PLXNA2: variants seen among roughly 807,000 people sequenced by gnomAD.
PLXNA2 encodes the protein plexin-A2.
PLXNA2 carries 91 observed loss-of-function variants against 193.5 expected under a neutral mutation model. That is an observed-to-expected ratio of 0.47 (90% CI 0.40 to 0.56). The LOEUF (loss-of-function observed/expected upper bound fraction) is 0.56, where lower values mean the gene tolerates loss of function less well. PLXNA2 is among the 20% of genes least tolerant of loss of function. The probability of loss-of-function intolerance (pLI) is 0.00; values close to 1 mark genes in which losing one functional copy is unlikely to be tolerated. For synonymous variants in PLXNA2, 997 were observed against 1,027.3 expected (o/e 0.97, Z 0.56); for missense variants, 1,995 against 2,503.2 (o/e 0.80, Z 4.33).
rs1055585478 is a variant in PLXNA2 at position 208,038,243 on chromosome 1, A to G, written c.4764+128T>C. 5.7e-6 allele frequency: 4 copies of G among 701,026 alleles called. No homozygotes were observed. The highest frequency in any genetic ancestry group is 5.2e-5 in the African/African-American group (3 of 57,168). The allele number at this position is 701,026 out of a possible 1,614,324, so 43.4% of individuals were successfully genotyped here. The stretch of plus-strand genomic sequence containing the variant: ...AGCCATGGCTAAGAATCCCTGTTCT[A>G]TGCTCCAGCAGGAGGAGGAAAGCAG... On this transcript the variant is annotated intron_variant, in intron 26 of 31. Coordinates refer to ENST00000367033, the MANE Select transcript of PLXNA2 (RefSeq NM_025179.4). The surrounding 1 kb of genome is among the most constrained non-coding windows in gnomAD (Gnocchi z 4.1).
At chr1:208,113,094 T>C (rs1187620294) in intron 4 of PLXNA2, among the ~76,000 whole-genome samples, 1 of 150,120 alleles carries the variant, frequency 6.7e-6, no homozygotes, top group Non-Finnish European at 1.5e-5. Flanking sequence ...GCAGCTGGGA[T>C]AGGAAATGGG....
At chr1:208,193,722 C>A (rs1293964306) in intron 3 of PLXNA2, among the ~76,000 whole-genome samples, 2 of 151,972 alleles carry the variant, frequency 1.3e-5, no homozygotes, top group Admixed American at 1.3e-4. Flanking sequence ...CAAATTCATG[C>A]CCAAAATATA....
chr1:208,141,619 C>CT lies in PLXNA2; in HGVS notation c.1506+709dup, dbSNP rs556435568. On this transcript the variant is annotated intron_variant, in intron 4 of 31. Transcript: ENST00000367033. ...GGAATGTGTCCGGCTTGGCTAAGGT[C>CT]TTTGCCTAGCTTTCTGGGTCTCTGT... 5.3e-3 allele frequency among the ~76,000 whole-genome samples: 813 copies of CT among 152,330 alleles called. 4 individuals are homozygous for CT. The highest frequency in any genetic ancestry group is 7.4e-3 in the Non-Finnish European group (503 of 68,042).
rs1671189336 is a variant in PLXNA2, at chr1:208,217,798, T to A, written c.125A>T (p.His42Leu). Residue 42 changes from histidine to leucine, a missense_variant, in exon 2 of 32, where the codon CAC (histidine) becomes CTC (leucine). His to Leu is a moderately conservative substitution (Grantham distance 99). Transcript: ENST00000367033. This position sits in a 1 kb window ranked among gnomAD's most constrained non-coding sequence, Gnocchi z 4.7. ...AAGMPQFSTF[H>L]SENRDWTFNH... ...GAAGGTCCAGTCACGATTCTCAGAG[T>A]GGAAGGTGCTGAACTGAGGCATGCC... The A allele has an allele frequency of 6.2e-7, 1 of 1,613,310 alleles. No individual in the cohort carries two copies. The highest frequency in any genetic ancestry group is 1.1e-5 in the South Asian group (1 of 90,996).
chr1:208,232,195 A>C (rs1671712989), intron 1 of PLXNA2, among the ~76,000 whole-genome samples: 1 of 152,144 alleles, frequency 6.6e-6, no homozygotes, highest in South Asian at 2.1e-4. Context: ...GATGGAAAGG[A>C]TCCAAAAGCA....
At chr1:208,225,109 A>T (rs1361387567) in intron 1 of PLXNA2, among the ~76,000 whole-genome samples, 1 of 152,158 alleles carries the variant, frequency 6.6e-6, no homozygotes, top group African/African-American at 2.4e-5. Flanking sequence ...CGTGACAGTG[A>T]GGGACCCTCC....
rs988104111 is a variant in PLXNA2, at chr1:208,140,230, T to C, written c.1506+2099A>G. Among the ~76,000 whole-genome samples the C allele has an allele frequency of 3.3e-5, 5 of 152,272 alleles. No individual in the cohort carries two copies. The East Asian group carries it at 9.6e-4, about 29-fold the overall frequency. On this transcript the variant is annotated intron_variant, in intron 4 of 31. Transcript: ENST00000367033. ...TCTCAGAGATGGCATCAGATATGGA[T>C]CTAGGAGGTGATTATATTCTCTGAA...
At chr1:208,092,704 G>T in intron 9 of PLXNA2, 82 bp downstream of exon 9, 1 of 897,508 alleles carries the variant, frequency 1.1e-6, no homozygotes, top group Non-Finnish European at 1.7e-6. Flanking sequence ...AAATGGCCAA[G>T]CCATTGGACT....
chr1:208,147,550 T>C (rs1388149409), intron 3 of PLXNA2, among the ~76,000 whole-genome samples: 1 of 152,236 alleles, frequency 6.6e-6, no homozygotes, highest in Non-Finnish European at 1.5e-5. Flanking sequence ...ACCACAGTGC[T>C]ACGTGCTGTC....
intron 13 of PLXNA2, among the ~76,000 whole-genome samples, chr1:208,055,525 G>A (rs1665402758): frequency 6.6e-6 from 1 of 152,118 alleles, no homozygotes; most frequent in Non-Finnish European, 1.5e-5. Context: ...TGGGAATGGA[G>A]GGAAGGATTT....
intron 1 of PLXNA2, among the ~76,000 whole-genome samples, chr1:208,218,399 G>A (rs190018921): frequency 5.1e-4 from 78 of 152,198 alleles, no homozygotes; most frequent in African/African-American, 1.9e-3. Context: ...AGTGGAAGTC[G>A]CTCCTGTTTT....
At chr1:208,104,459 A>G (rs1463552051) in intron 4 of PLXNA2, among the ~76,000 whole-genome samples, 1 of 152,158 alleles carries the variant, frequency 6.6e-6, no homozygotes, top group African/African-American at 2.4e-5. Flanking sequence ...CTTGCTCTAC[A>G]TTGTGCTGAG....
Position 208,058,084 on chromosome 1 carries a change from C to T in PLXNA2, c.2738+2602G>A, listed in dbSNP as rs147882849. ...CCCACACTACACCACCTCCCATAGA[C>T]TTGCATAGATGGTGCCTCGCTCCCT... On this transcript the variant is annotated intron_variant, in intron 13 of 31. Coordinates refer to ENST00000367033, the MANE Select transcript of PLXNA2 (RefSeq NM_025179.4). 4.2e-4 allele frequency among the ~76,000 whole-genome samples: 64 copies of T among 152,314 alleles called. 1 individual carries two copies. Among genetic ancestry groups the T allele is most frequent in the Non-Finnish European group, 8.1e-4 (55 of 68,036 alleles).
At chr1:208,160,961 C>T (rs1296565450) in intron 3 of PLXNA2, among the ~76,000 whole-genome samples, 1 of 152,208 alleles carries the variant, frequency 6.6e-6, no homozygotes, top group Non-Finnish European at 1.5e-5. Flanking sequence ...GGATTTCCTG[C>T]CTCAGTTTCC....
At chr1:208,103,303 G>T (rs186666547) in intron 4 of PLXNA2, 56 bp from the exon 5 acceptor site, 4 of 1,353,348 alleles carry the variant, frequency 3.0e-6, no homozygotes, top group Non-Finnish European at 4.2e-6. Context: ...ACTAGCAGGT[G>T]TGTGTCACAC....
At chr1:208,027,823 CAATG>C (rs1342886181) in intron 31 of PLXNA2, among the ~76,000 whole-genome samples, 182 bp downstream of exon 31, 15 of 152,316 alleles carry the variant, frequency 9.8e-5, no homozygotes, top group Admixed American at 5.9e-4. Flanking sequence ...GAGTGAAAGA[CAATG>C]AAGTGTATAA....
intron 5 of PLXNA2, among the ~76,000 whole-genome samples, chr1:208,101,982 C>A (rs952897775): frequency 6.6e-6 from 1 of 152,228 alleles, no homozygotes; most frequent in South Asian, 2.1e-4. Flanking sequence ...AGATTTACCC[C>A]CTTTTGCCAT....
chr1:208,166,015 C>G (rs1251305603), intron 3 of PLXNA2, among the ~76,000 whole-genome samples: 1 of 152,170 alleles, frequency 6.6e-6, no homozygotes, highest in Non-Finnish European at 1.5e-5. Context: ...CATGCGTAGG[C>G]CTCATCTCTA....
intron 3 of PLXNA2, among the ~76,000 whole-genome samples, chr1:208,168,716 T>C (rs1420784346): frequency 7.5e-6 from 1 of 132,764 alleles, no homozygotes; most frequent in African/African-American, 2.8e-5. Flanking sequence ...AGACAAAGAG[T>C]ATGCGGGGTT....
Sources: allele counts gnomAD v4.1 joint callset (sites outside exome capture counted in the v4.1 genomes callset), GRCh38; gene constraint gnomAD v4.1.1; non-coding constraint Gnocchi (gnomAD v3.1); transcripts MANE v1.5; gene names NCBI Gene and HGNC (gene_info 2026-07-23, HGNC 2026-07-21).